The following DLGAP1 variants were observed in gnomAD, a reference collection of about 807,000 sequenced individuals.
The protein encoded by DLGAP1 is DLG associated protein 1.
In DLGAP1, 11 loss-of-function variants were observed where a neutral mutation model predicts 90.8. That is an observed-to-expected ratio of 0.12 (90% CI 0.08 to 0.20). The LOEUF (loss-of-function observed/expected upper bound fraction) is 0.20. Ranked by LOEUF, DLGAP1 falls within the 10% of genes least tolerant of loss-of-function variation. The probability of loss-of-function intolerance (pLI) is 1.00; values close to 1 mark genes in which losing one functional copy is unlikely to be tolerated. For synonymous variants in DLGAP1, 558 were observed against 540.7 expected (o/e 1.03, Z -0.44); for missense variants, 1,050 against 1,333.8 (o/e 0.79, Z 3.31).
intron 1 of DLGAP1, among the ~76,000 whole-genome samples, chr18:4,405,861 G>A (rs746374450): frequency 6.6e-6 from 1 of 152,106 alleles, no homozygotes; most frequent in Non-Finnish European, 1.5e-5. Context: ...AGTTCTTTGC[G>A]TTTTGAACAA....
intron 5 of DLGAP1, among the ~76,000 whole-genome samples, chr18:3,812,745 A>G (rs1408641786): frequency 2.6e-5 from 4 of 152,376 alleles, no homozygotes; most frequent in South Asian, 4.1e-4. Flanking sequence ...TTTAAAATAC[A>G]ACATACTCTG....
chr18:4,225,371 C>A (rs566464495), intron 1 of DLGAP1, among the ~76,000 whole-genome samples: 1 of 152,058 alleles, frequency 6.6e-6, no homozygotes, highest in East Asian at 1.9e-4. Context: ...ACCATAAATA[C>A]CTAACTCTTC....
intron 3 of DLGAP1, among the ~76,000 whole-genome samples, chr18:3,982,402 G>A (rs981850084): frequency 2.0e-5 from 3 of 152,042 alleles, no homozygotes; most frequent in East Asian, 1.9e-4. Flanking sequence ...TCCATGACAC[G>A]GAAGTGACAA....
intron 1 of DLGAP1, among the ~76,000 whole-genome samples, chr18:4,313,873 C>T (rs1362146188): frequency 1.3e-5 from 2 of 152,160 alleles, no homozygotes; most frequent in African/African-American, 4.8e-5. Flanking sequence ...CAGTGCTCAA[C>T]AAGACTTGGA....
At chr18:3,975,308 C>A (rs187056263) in intron 3 of DLGAP1, among the ~76,000 whole-genome samples, 1 of 152,276 alleles carries the variant, frequency 6.6e-6, no homozygotes, top group African/African-American at 2.4e-5. Context: ...ATGGACCTTT[C>A]TCCAAACAGG....
At chr18:3,691,544 A>C (rs944503139) in intron 7 of DLGAP1, among the ~76,000 whole-genome samples, 7 of 152,184 alleles carry the variant, frequency 4.6e-5, no homozygotes, top group Admixed American at 3.9e-4. Flanking sequence ...TGTTATTGTA[A>C]CAATATAAAG....
At chr18:4,197,235 C>T (rs2077518594) in intron 1 of DLGAP1, among the ~76,000 whole-genome samples, 1 of 149,084 alleles carries the variant, frequency 6.7e-6, no homozygotes, top group Non-Finnish European at 1.5e-5. Flanking sequence ...GGCAGCAACC[C>T]TTCCAGAGAA....
chr18:3,534,086 G>A (rs569852138), intron 10 of DLGAP1, 108 bp downstream of exon 10: 28 of 1,285,490 alleles, frequency 2.2e-5, no homozygotes, highest in Middle Eastern at 4.0e-4. Context: ...GGTGTGGAAC[G>A]TCAAGGTTAT....
intron 2 of DLGAP1, among the ~76,000 whole-genome samples, chr18:4,144,465 G>A (rs1209178515): frequency 6.6e-6 from 1 of 152,198 alleles, no homozygotes; most frequent in East Asian, 1.9e-4. Context: ...TCCTCTCTGA[G>A]CCACAGGGCC....
chr18:4,091,175 A>G (rs56014452), intron 2 of DLGAP1, among the ~76,000 whole-genome samples: 34,710 of 152,174 alleles, frequency 0.23, 5,061 homozygotes, highest in Non-Finnish European at 0.33. Flanking sequence ...GATAGGTTCA[A>G]TAACCTACAG....
At chr18:4,140,449 T>G (rs1374137738) in intron 2 of DLGAP1, among the ~76,000 whole-genome samples, 1 of 151,940 alleles carries the variant, frequency 6.6e-6, no homozygotes, top group African/African-American at 2.4e-5. Flanking sequence ...CTTTTAAATT[T>G]TCTTGTTTCT....
At chr18:3,715,492 C>T (rs1422799992) in intron 7 of DLGAP1, among the ~76,000 whole-genome samples, 1 of 152,168 alleles carries the variant, frequency 6.6e-6, no homozygotes, top group African/African-American at 2.4e-5. Context: ...GTTTCTTAAT[C>T]CTCTTTTAGC....
chr18:4,229,896 G>T (rs991232490), intron 1 of DLGAP1, among the ~76,000 whole-genome samples: 4 of 152,136 alleles, frequency 2.6e-5, no homozygotes, highest in African/African-American at 9.6e-5. Flanking sequence ...CATCTGAGAA[G>T]AGATTAATGA....
chr18:4,303,315 G>C (rs746450741), intron 1 of DLGAP1, among the ~76,000 whole-genome samples: 1 of 151,828 alleles, frequency 6.6e-6, no homozygotes, highest in Non-Finnish European at 1.5e-5. Context: ...GGTTAATGTG[G>C]AGAAAGAAAA....
Position 3,575,089 on chromosome 18 carries a change from C to T in DLGAP1, c.1965+6786G>A, listed in dbSNP as rs538481938. On this transcript the variant is annotated intron_variant, in intron 8 of 12. Coordinates refer to ENST00000315677, the MANE Select transcript of DLGAP1 (RefSeq NM_004746.4). ...TAGGCCTCCCAAAGTGCTGGGATTA[C>T]AGGCGTGAGCCACCATGCATGGGCC... Among the ~76,000 whole-genome samples, 4 of 152,306 alleles carry T rather than the reference C, an allele frequency of 2.6e-5. No homozygotes were observed. The East Asian group carries it at 7.7e-4, about 29-fold the overall frequency.
intron 1 of DLGAP1, among the ~76,000 whole-genome samples, chr18:4,282,532 TTAAA>T (rs1472623217): frequency 2.0e-5 from 3 of 152,204 alleles, no homozygotes; most frequent in African/African-American, 7.2e-5. Flanking sequence ...TAAATTAATC[TTAAA>T]TAAACATCAA....
intron 2 of DLGAP1, among the ~76,000 whole-genome samples, chr18:4,106,693 T>C (rs545478037): frequency 6.6e-6 from 1 of 152,314 alleles, no homozygotes; most frequent in Non-Finnish European, 1.5e-5. Context: ...AGAAGCTGTG[T>C]TTTCCTTTGT....
At chr18:3,971,928 A>T (rs1390011278) in intron 3 of DLGAP1, among the ~76,000 whole-genome samples, 2 of 152,188 alleles carry the variant, frequency 1.3e-5, no homozygotes, top group Non-Finnish European at 2.9e-5. Flanking sequence ...ATGCAACTGT[A>T]AAGTGCTGGT....
At chr18:3,506,435 C>G (rs1462911842) in intron 11 of DLGAP1, among the ~76,000 whole-genome samples, 1 of 146,092 alleles carries the variant, frequency 6.8e-6, no homozygotes, top group Non-Finnish European at 1.5e-5. Context: ...ACCTCTTGAA[C>G]CCAGGAGGCG....
Sources: allele counts gnomAD v4.1 joint callset (sites outside exome capture counted in the v4.1 genomes callset), GRCh38; gene constraint gnomAD v4.1.1; transcripts MANE v1.5; gene names NCBI Gene and HGNC (gene_info 2026-07-23, HGNC 2026-07-21).